ACADM: variants seen among roughly 807,000 people sequenced by gnomAD.
ACADM encodes the protein medium-chain specific acyl-CoA dehydrogenase, mitochondrial.
A neutral mutation model predicts 58.9 loss-of-function variants in ACADM; 49 were observed. The observed-to-expected ratio is 0.83, with a 90% CI of 0.66 to 1.06. ACADM has a LOEUF of 1.06. Among genes scored for constraint, ACADM ranks in the 50% least tolerant of loss-of-function variants. The pLI, the probability that ACADM is intolerant of heterozygous loss-of-function variation, is 0.00. For synonymous variants in ACADM, 160 were observed against 157.7 expected (o/e 1.01, Z -0.11); for missense variants, 496 against 507.0 (o/e 0.98, Z 0.21).
rs1647214461 is a variant in ACADM, at chr1:75,734,876, GTA to G, written c.468+7_468+8del. 3.1e-6 allele frequency: 5 copies of G among 1,607,898 alleles called. No homozygotes were observed. In the East Asian group the frequency reaches 1.1e-4, roughly 36 times the overall value. The stretch of plus-strand genomic sequence containing the variant: ...ACTGAGGAGCCATTGATGTGTGTGA[GTA>G]TGTGTAACTGCCGCTTTATTTCACA... On this transcript the variant is annotated splice_donor_region_variant and intron_variant, in intron 6 of 11. Transcript: ENST00000370841.
At chr1:75,754,809 GTCA>G (rs1169069070) in intron 10 of ACADM, 1 of 152,390 alleles carries the variant, frequency 6.6e-6, no homozygotes, top group East Asian at 1.9e-4. Flanking sequence ...AGCAGGGCAG[GTCA>G]TCACCTCACC....
chr1:75,735,076 T>G (rs919230936), intron 6 of ACADM, among the ~76,000 whole-genome samples: 2 of 152,054 alleles, frequency 1.3e-5, no homozygotes, highest in Non-Finnish European at 2.9e-5. Flanking sequence ...TCCCAGCACT[T>G]TGGGAGGCGG....
chr1:75,751,503 T>A (rs1206105843), intron 10 of ACADM, among the ~76,000 whole-genome samples: 1 of 151,550 alleles, frequency 6.6e-6, no homozygotes, highest in East Asian at 1.9e-4. Context: ...CTTTTTTTTT[T>A]TTGCGGGGGG....
At chr1:75,740,720 A>G (rs74090729) in intron 7 of ACADM, among the ~76,000 whole-genome samples, 7,785 of 152,322 alleles carry the variant, frequency 0.051, 311 homozygotes, top group African/African-American at 0.12. Context: ...AATCAATAGT[A>G]TGAGCCTTTA....
chr1:75,725,263 A>ACCT (rs138458183), intron 1 of ACADM, among the ~76,000 whole-genome samples: 39,686 of 151,504 alleles, frequency 0.26, 5,590 homozygotes, highest in African/African-American at 0.36. Flanking sequence ...TAAAAAAAAA[A>ACCT]CCTGCAGAAT....
rs541175326 is a variant in ACADM, at chr1:75,739,924, G to T, written c.469-56G>T. The stretch of plus-strand genomic sequence containing the variant: ...AATAAAACAATCCTGTTTCCAAACA[G>T]TCAAAATTTAATCACTAACATTTAA... On this transcript the variant is annotated intron_variant, in intron 6 of 11. Transcript: ENST00000370841. 1.1e-3 allele frequency: 1,439 copies of T among 1,347,994 alleles called. 5 individuals carry two copies. Among genetic ancestry groups the T allele is most frequent in the Non-Finnish European group, 1.1e-3 (1,052 of 980,864 alleles). The allele number at this position is 1,347,994 out of a possible 1,614,324, so 83.5% of individuals were successfully genotyped here.
Position 75,761,192 on chromosome 1 carries a change from G to A in ACADM, c.1016G>A (p.Arg339Lys). ...GAACTAGCTAGAATGAGTTACCAGA[G>A]AGCAGCTTGGGAGGTTGATTCTGGT... is the stretch of plus-strand genomic sequence containing the variant. ...KVELARMSYQ[R>K]AAWEVDSGRR... is the part of the protein sequence containing the mutation. The change falls in exon 11 of 12, where the codon AGA becomes AAA. Residue 339 changes from arginine (R) to lysine (K), a missense_variant. Arg to Lys is a conservative substitution (Grantham distance 26). Coordinates refer to ENST00000370841, the MANE Select transcript of ACADM (RefSeq NM_000016.6). 6.2e-7 allele frequency: 1 copy of A among 1,614,070 alleles called. No individual in the cohort carries two copies. The highest frequency in any genetic ancestry group is 8.5e-7 in the Non-Finnish European group (1 of 1,179,926).
At chr1:75,737,326 A>ATATATG (rs1647327054) in intron 6 of ACADM, among the ~76,000 whole-genome samples, 2 of 108,582 alleles carry the variant, frequency 1.8e-5, no homozygotes, top group Non-Finnish European at 3.8e-5. Flanking sequence ...ATATATATAT[A>ATATATG]TGAAACCAAA....
intron 1 of ACADM, among the ~76,000 whole-genome samples, chr1:75,726,800 CTTTTTTT>C (rs748703972): frequency 1.0e-4 from 12 of 119,844 alleles, no homozygotes; most frequent in East Asian, 4.5e-4. Context: ...AACTGTTTCA[CTTTTTTT>C]TTTTTTTTTT....
chr1:75,758,326 G>A (rs756007667), intron 10 of ACADM, among the ~76,000 whole-genome samples: 42 of 152,138 alleles, frequency 2.8e-4, no homozygotes, highest in Non-Finnish European at 4.7e-4. Flanking sequence ...CCACCTTGGC[G>A]TCCCAAAGTG....
intron 8 of ACADM, among the ~76,000 whole-genome samples, chr1:75,746,129 G>A (rs1249116965): frequency 6.6e-6 from 1 of 152,152 alleles, no homozygotes; most frequent in Non-Finnish European, 1.5e-5. Context: ...ACCAACCTGT[G>A]GAGAAGGCTA....
intron 10 of ACADM, chr1:75,750,972 C>T (rs763660232): frequency 3.8e-6 from 1 of 263,922 alleles, no homozygotes; most frequent in Non-Finnish European, 7.4e-6. Context: ...TGGTCTCGAT[C>T]TGCCCGCCTC....
intron 2 of ACADM, 29 bp from the exon 3 acceptor site, chr1:75,732,615 T>A: frequency 6.4e-7 from 1 of 1,552,218 alleles, no homozygotes; most frequent in Non-Finnish European, 8.9e-7. Flanking sequence ...GTTATCCAGT[T>A]TTAACTTTTC....
At chr1:75,738,220 A>ATTG (rs1553123668) in intron 6 of ACADM, among the ~76,000 whole-genome samples, 1 of 118,510 alleles carries the variant, frequency 8.4e-6, no homozygotes, top group Non-Finnish European at 1.8e-5. Flanking sequence ...CCAGCCAAGT[A>ATTG]TTGTTATTAT....
chr1:75,749,712 C>CTTTTTTTTTTTT (rs35897798), intron 9 of ACADM, among the ~76,000 whole-genome samples, 153 bp downstream of exon 9: 1 of 118,162 alleles, frequency 8.5e-6, no homozygotes, highest in Non-Finnish European at 1.7e-5. Flanking sequence ...ACTTTTCTTT[C>CTTTTTTTTTTTT]TTTTTTTTTT....
chr1:75,744,275 G>C, intron 7 of ACADM: 1 of 1,613,316 alleles, frequency 6.2e-7, no homozygotes, highest in East Asian at 2.2e-5. Flanking sequence ...GCTGCTATAG[G>C]TTCTGCTTTT....
chr1:75,750,091 A>C (rs1385763011), intron 9 of ACADM, among the ~76,000 whole-genome samples: 2 of 152,174 alleles, frequency 1.3e-5, no homozygotes, highest in Non-Finnish European at 2.9e-5. Context: ...TAGCAACTGC[A>C]AAATTACTGT....
chr1:75,762,567 A>AC (rs1648911046), intron 11 of ACADM, 125 bp from the exon 12 acceptor site: 1 of 636,330 alleles, frequency 1.6e-6, no homozygotes, highest in African/African-American at 1.8e-5. Flanking sequence ...GAGGCTACAG[A>AC]CCCTATATAT....
intron 10 of ACADM, among the ~76,000 whole-genome samples, chr1:75,760,037 C>G (rs968909956): frequency 6.6e-6 from 1 of 151,200 alleles, no homozygotes; most frequent in Non-Finnish European, 1.5e-5. Context: ...TTTGGGAGGC[C>G]GAGGTGGGTG....
Sources: allele counts gnomAD v4.1 joint callset (sites outside exome capture counted in the v4.1 genomes callset), GRCh38; gene constraint gnomAD v4.1.1; transcripts MANE v1.5; gene names NCBI Gene and HGNC (gene_info 2026-07-23, HGNC 2026-07-21).